FANK1: variants seen among roughly 807,000 people sequenced by gnomAD.
FANK1 encodes fibronectin type 3 and ankyrin repeat domains protein 1.
Under a neutral mutation model 45.3 loss-of-function variants are expected in FANK1, and 44 were observed. That is an observed-to-expected ratio of 0.97 (90% confidence interval 0.76 to 1.25). The LOEUF (loss-of-function observed/expected upper bound fraction) is 1.25. Among genes scored for constraint, FANK1 ranks in the 50% most tolerant of loss-of-function variants. The pLI is 0.00. For missense variants in FANK1, 391 were observed against 424.4 expected, an observed-to-expected ratio of 0.92 and a Z score of 0.69; for synonymous variants, 149 against 152.5, an observed-to-expected ratio of 0.98 and a Z score of 0.17.
chr10:125,988,783 G>T, intron 3 of FANK1, 108 bp downstream of exon 3: 1 of 1,548,048 alleles, frequency 6.5e-7, no homozygotes, highest in South Asian at 1.1e-5. Context: ...AAGCAGAAAT[G>T]ATACAATTTT....
intron 1 of FANK1, among the ~76,000 whole-genome samples, chr10:125,929,790 G>GC (rs1191019435): frequency 6.6e-6 from 1 of 152,174 alleles, no homozygotes; most frequent in Admixed American, 6.5e-5. Context: ...GCAGCTCTGA[G>GC]CATAGGGGCT....
At chr10:125,928,594 T>G (rs1419603774) in intron 1 of FANK1, among the ~76,000 whole-genome samples, 2 of 152,190 alleles carry the variant, frequency 1.3e-5, no homozygotes, top group Non-Finnish European at 2.9e-5. Flanking sequence ...TTCAAACCCC[T>G]CTGACACTTC....
Position 126,009,374 on chromosome 10 carries a change from G to A in FANK1, c.974G>A (p.Ser325Asn), listed in dbSNP as rs144568164. The change falls in exon 11 of 11, where the codon AGT becomes AAT. Residue 325 changes from serine to asparagine, a missense_variant and splice_region_variant. By Grantham distance (46) the Ser-to-Asn change is conservative. Coordinates refer to ENST00000368693, the MANE Select transcript of FANK1 (RefSeq NM_145235.5). ...LEMARVFDRQSVVSLLEERKK... is the reference protein window; with the variant it reads ...LEMARVFDRQNVVSLLEERKK... Reference sequence around the variant, plus strand: ...CGCCTGTCTGTTTTGTTTATCTAGAGTGTAGTCTCCTTATTAGAAGAAAGG... The same window carrying A: ...CGCCTGTCTGTTTTGTTTATCTAGAATGTAGTCTCCTTATTAGAAGAAAGG... 6 of 1,613,930 alleles carry A rather than the reference G, an allele frequency of 3.7e-6. No homozygotes were observed. The East Asian group carries it at 6.7e-5, about 18-fold the overall frequency.
intron 2 of FANK1, among the ~76,000 whole-genome samples, chr10:125,987,141 G>C (rs533130923): frequency 0.017 from 2,526 of 152,138 alleles, 75 homozygotes; most frequent in African/African-American, 0.055. Flanking sequence ...CCTTTTCTTG[G>C]ACCCCATCAG....
intron 2 of FANK1, among the ~76,000 whole-genome samples, chr10:125,985,419 C>T (rs1192246428): frequency 6.6e-6 from 1 of 152,274 alleles, no homozygotes; most frequent in South Asian, 2.1e-4. Context: ...CAGGCTGATA[C>T]ATTTTAGTTT....
At chr10:125,971,813 A>T (rs9804394) in intron 1 of FANK1, among the ~76,000 whole-genome samples, 3 of 151,762 alleles carry the variant, frequency 2.0e-5, no homozygotes, top group Non-Finnish European at 4.4e-5. Context: ...TAGTAGAGAC[A>T]GGGTTTCACC....
chr10:125,994,500 G>T lies in FANK1; in HGVS notation c.317-917G>T, dbSNP rs555112213. The stretch of plus-strand genomic sequence containing the variant: ...GTTGGAGTATGTAAGAAGTGGTGGG[G>T]CTGTATCCACTGACGATGGTAGCTG... On this transcript the variant is annotated intron_variant, in intron 3 of 10. Coordinates refer to ENST00000368693, the MANE Select transcript of FANK1 (RefSeq NM_145235.5). 150 of 985,352 alleles carry T rather than the reference G, an allele frequency of 1.5e-4. 1 individual carries two copies. Among genetic ancestry groups the T allele is most frequent in the East Asian group, 3.4e-4 (3 of 8,812 alleles). The allele number at this position is 985,352 out of a possible 1,614,324, so 61.0% of individuals were successfully genotyped here.
At chr10:125,951,696 A>G (rs1427134945) in intron 1 of FANK1, among the ~76,000 whole-genome samples, 1 of 152,174 alleles carries the variant, frequency 6.6e-6, no homozygotes, top group African/African-American at 2.4e-5. Flanking sequence ...CCATTGTTTT[A>G]TAGGAGTGTT....
At chr10:125,916,698 T>C (rs2134122648) in intron 1 of FANK1, among the ~76,000 whole-genome samples, 1 of 152,298 alleles carries the variant, frequency 6.6e-6, no homozygotes, top group Admixed American at 6.5e-5. Context: ...TGGAAGACAT[T>C]ATGCCAAGTG....
At position 125,983,612 on chromosome 10, in the gene FANK1, C is replaced by G. The variant is rs759735589; in HGVS notation, c.191+3274C>G. Among the ~76,000 whole-genome samples, 2 of 152,118 alleles carry G rather than the reference C, an allele frequency of 1.3e-5. No homozygotes were observed. The highest frequency in any genetic ancestry group is 6.6e-5 in the Admixed American group (1 of 15,262). On this transcript the variant is annotated intron_variant, in intron 2 of 10. Transcript: ENST00000368693. The surrounding 1 kb of genome is among the most constrained non-coding windows in gnomAD (Gnocchi z 4.3). ...CCTTGCAACTATCTGGGGGAAGAAC[C>G]TTCCAGACATAGCAAAGGGCAGGTG...
intron 1 of FANK1, among the ~76,000 whole-genome samples, chr10:125,916,875 C>T (rs748836310): frequency 2.6e-5 from 4 of 152,184 alleles, no homozygotes; most frequent in Non-Finnish European, 5.9e-5. Context: ...GTCACAAGGC[C>T]CTTGGGTGAG....
intron 1 of FANK1, among the ~76,000 whole-genome samples, chr10:125,914,279 C>CCATATATATATATATATATATATA (rs1307584710): frequency 3.2e-4 from 22 of 69,084 alleles, no homozygotes; most frequent in African/African-American, 1.5e-3. Context: ...TCTTTGTATG[C>CCATATATATATATATATATATATA]CATATATATA....
rs551633878 is a variant in FANK1 at position 125,955,451 on chromosome 10, G to A, written c.14-24710G>A. Among the ~76,000 whole-genome samples, 19 of 152,204 alleles carry A rather than the reference G, an allele frequency of 1.2e-4. No individual in the cohort carries two copies. In the East Asian group the frequency reaches 3.7e-3, roughly 29 times the overall value. On this transcript the variant is annotated intron_variant, in intron 1 of 10. Coordinates refer to ENST00000368693, the MANE Select transcript of FANK1 (RefSeq NM_145235.5). ...TATGATCTTGTTCCTTTTTATGGCT[G>A]CATAGTTGTAACATCAAAGTTGATG...
At position 125,944,142 on chromosome 10, in the gene FANK1, A is replaced by G. The variant is rs189992595; in HGVS notation, c.14-36019A>G. 4.8e-3 allele frequency among the ~76,000 whole-genome samples: 725 copies of G among 152,354 alleles called. 2 individuals are homozygous for G. The highest frequency in any genetic ancestry group is 0.016 in the African/African-American group (679 of 41,600). Reference sequence around the variant, plus strand: ...GTTAAAAGTTGGTTTGCTGTAGAACATGATTTTTCTGTTTTAGAGTAGCAC... The same window carrying G: ...GTTAAAAGTTGGTTTGCTGTAGAACGTGATTTTTCTGTTTTAGAGTAGCAC... On this transcript the variant is annotated intron_variant, in intron 1 of 10. Coordinates refer to ENST00000368693, the MANE Select transcript of FANK1 (RefSeq NM_145235.5).
intron 1 of FANK1, among the ~76,000 whole-genome samples, chr10:125,943,145 A>G (rs557801623): frequency 7.2e-5 from 11 of 152,266 alleles, no homozygotes; most frequent in African/African-American, 2.2e-4. Flanking sequence ...AATAATTTCT[A>G]TTAATTTCAT....
intron 6 of FANK1, 49 bp downstream of exon 6, chr10:125,997,534 G>T (rs371515160): frequency 8.2e-5 from 129 of 1,565,916 alleles, no homozygotes; most frequent in Non-Finnish European, 1.1e-4. Flanking sequence ...TCAGAATTGT[G>T]TTGCTAGGCT....
intron 1 of FANK1, among the ~76,000 whole-genome samples, chr10:125,944,339 C>T (rs1948635679): frequency 6.6e-6 from 1 of 152,174 alleles, no homozygotes; most frequent in Non-Finnish European, 1.5e-5. Flanking sequence ...TGTCCTTCTA[C>T]CTTTATAGTT....
rs992778999 is a variant in FANK1, at chr10:125,983,355, C to T, written c.191+3017C>T. 2.6e-5 allele frequency among the ~76,000 whole-genome samples: 4 copies of T among 152,082 alleles called. No individual in the cohort carries two copies. Among genetic ancestry groups the T allele is most frequent in the Admixed American group, 6.6e-5 (1 of 15,260 alleles). ...TCAGCGTGTATTATTGAGTGTCTGC[C>T]GTGTGTCAGACACTGCTCCGGATGC... On this transcript the variant is annotated intron_variant, in intron 2 of 10. Transcript: ENST00000368693. The surrounding 1 kb of genome is among the most constrained non-coding windows in gnomAD (Gnocchi z 4.3).
chr10:125,917,392 G>A (rs1390970266), intron 1 of FANK1, among the ~76,000 whole-genome samples: 2 of 152,194 alleles, frequency 1.3e-5, no homozygotes, highest in Non-Finnish European at 2.9e-5. Context: ...CTCTCATTCT[G>A]TTTTGTAGAG....
Sources: gnomAD v4.1 joint callset for allele counts (sites outside exome capture counted in the v4.1 genomes callset) on GRCh38, gnomAD v4.1.1 for gene constraint, Gnocchi (gnomAD v3.1) non-coding constraint, MANE v1.5 for transcripts, NCBI Gene and HGNC (gene_info 2026-07-23, HGNC 2026-07-21) for gene names.